Variants in PPP2R1B observed in about 807,000 individuals in gnomAD.
PPP2R1B encodes protein phosphatase 2 scaffold subunit Abeta.
In PPP2R1B, 58 loss-of-function variants were observed where a neutral mutation model predicts 72.7. The ratio of observed to expected loss-of-function variants is 0.80; its 90% confidence interval spans 0.65 to 0.99. The LOEUF (loss-of-function observed/expected upper bound fraction) is 0.99. PPP2R1B is among the 50% of genes least tolerant of loss of function. PPP2R1B has a pLI of 0.00. For missense variants in PPP2R1B, 695 were observed against 733.6 expected (o/e 0.95, Z 0.61); for synonymous variants, 256 against 264.6 (o/e 0.97, Z 0.32).
rs782009984 is a variant in PPP2R1B, at chr11:111,754,533, GTC to G, written c.993_994del (p.Glu331AspfsTer44). ...AGGCAGAATTTGATTCATAATTATG[GTC>G]TCTCTATCTTCAATGGGCAAGTTCT... On this transcript the variant is annotated frameshift_variant, in exon 8 of 15. Transcript: ENST00000527614. LOFTEE classifies it high-confidence loss of function. 6.2e-6 allele frequency: 10 copies of G among 1,603,650 alleles called. No homozygotes were observed. Among genetic ancestry groups the G allele is most frequent in the Non-Finnish European group, 8.5e-6 (10 of 1,177,592 alleles).
downstream of PPP2R1B, chr11:111,723,770 C>G (rs780442591): frequency 1.2e-6 from 2 of 1,614,028 alleles, no homozygotes; most frequent in African/African-American, 1.3e-5. Flanking sequence ...CACTTCCGGT[C>G]CCCGGGCTGC....
the PPP2R1B span, among the ~76,000 whole-genome samples, chr11:111,721,443 G>A: frequency 6.6e-6 from 1 of 152,160 alleles, no homozygotes; most frequent in South Asian, 2.1e-4. Flanking sequence ...TTTTGATGTG[G>A]TATCACTTTA....
the PPP2R1B span, among the ~76,000 whole-genome samples, chr11:111,705,943 G>T: frequency 6.6e-6 from 1 of 152,190 alleles, no homozygotes; most frequent in Non-Finnish European, 1.5e-5. The surrounding 1 kb of genome is among the most constrained non-coding windows in gnomAD (Gnocchi z 4.3). Flanking sequence ...TAGAAAAGAA[G>T]GGGCAAGTAT....
In PPP2R1B at chr11:111,760,921, C is replaced by T. The variant is rs1307857038; in HGVS notation, c.437G>A (p.Arg146His). The T allele has an allele frequency of 2.5e-6, 4 of 1,614,202 alleles. No individual in the cohort carries two copies. The highest frequency in any genetic ancestry group is 2.5e-6 in the Non-Finnish European group (3 of 1,180,036). The change falls in exon 4 of 15, where the codon CGC (arginine) becomes CAC (histidine). Residue 146 changes from arginine to histidine, a missense_variant. Arg to His is a conservative substitution (Grantham distance 29). Coordinates refer to ENST00000527614, the MANE Select transcript of PPP2R1B (RefSeq NM_002716.5). Reference sequence around the variant, plus strand: ...GGTGAACCAATCCCCACTTGCTAAGCGTTTCACCAGAGGTACAAAATAAGC... The same window carrying T: ...GGTGAACCAATCCCCACTTGCTAAGTGTTTCACCAGAGGTACAAAATAAGC... Reference protein sequence around the residue: ...LEAYFVPLVKRLASGDWFTSR... With the variant: ...LEAYFVPLVKHLASGDWFTSR...
downstream of PPP2R1B, chr11:111,722,721 A>G: frequency 6.2e-7 from 1 of 1,614,092 alleles, no homozygotes; most frequent in South Asian, 1.1e-5. This position sits in a 1 kb window ranked among gnomAD's most constrained non-coding sequence, Gnocchi z 4.4. Context: ...GCAAAGAACC[A>G]CCGCGGAGCC....
chr11:111,704,811 C>T, the PPP2R1B span, among the ~76,000 whole-genome samples: 2 of 152,190 alleles, frequency 1.3e-5, no homozygotes, highest in East Asian at 1.9e-4. Flanking sequence ...ATACTAGAGA[C>T]TTGAAGTTTT....
At chr11:111,759,766 G>A (rs781953226) in intron 5 of PPP2R1B, 38 bp downstream of exon 5, 2 of 1,560,364 alleles carry the variant, frequency 1.3e-6, no homozygotes, top group South Asian at 2.4e-5. Flanking sequence ...GAGGAAAGGA[G>A]CATATCTGTG....
In PPP2R1B at chr11:111,738,757, C is replaced by T; in HGVS notation, c.*2839G>A. On this transcript the variant is annotated 3_prime_UTR_variant, in exon 15 of 15. Coordinates refer to ENST00000527614, the MANE Select transcript of PPP2R1B (RefSeq NM_002716.5). Reference sequence around the variant, plus strand: ...TCAGGTTCACATCTTCTTGGTAGCACAGAGAGAGAAACAAGACCTGGTCTC... The same window carrying T: ...TCAGGTTCACATCTTCTTGGTAGCATAGAGAGAGAAACAAGACCTGGTCTC... The T allele has an allele frequency of 1.0e-6, 1 of 985,388 alleles. No homozygotes were observed. Among genetic ancestry groups the T allele is most frequent in the Non-Finnish European group, 1.2e-6 (1 of 829,936 alleles). The allele number at this position is 985,388 out of a possible 1,614,324, so 61.0% of individuals were successfully genotyped here. A position where few individuals can be genotyped will look rare whatever the true frequency, so the allele number is the denominator to read the frequency against.
At chr11:111,711,142 G>A in the PPP2R1B span, among the ~76,000 whole-genome samples, 67 of 149,162 alleles carry the variant, frequency 4.5e-4, no homozygotes, top group African/African-American at 1.2e-3. Context: ...TTTTTGAGAC[G>A]GAGTCTTGCT....
At chr11:111,725,101 A>G (rs1057302951), downstream of PPP2R1B, 1 of 152,664 alleles carries the variant, frequency 6.6e-6, no homozygotes, top group African/African-American at 2.4e-5. Context: ...ACAGTTTCAT[A>G]TAGGGCTTAG....
At chr11:111,733,809 G>A (rs762426770), downstream of PPP2R1B, among the ~76,000 whole-genome samples, 1 of 152,214 alleles carries the variant, frequency 6.6e-6, no homozygotes, top group Non-Finnish European at 1.5e-5. Flanking sequence ...GAGGGCTGAA[G>A]GGCAGGCAGG....
intron 10 of PPP2R1B, among the ~76,000 whole-genome samples, chr11:111,751,878 G>A (rs1358649489): frequency 6.6e-6 from 1 of 152,194 alleles, no homozygotes; most frequent in Non-Finnish European, 1.5e-5. Context: ...TTGGGAGGCT[G>A]AGACAGGAGA....
At chr11:111,729,569 C>T (rs1193258160) in intron 15 of PPP2R1B, 1 of 152,230 alleles carries the variant, frequency 6.6e-6, no homozygotes, top group Non-Finnish European at 1.5e-5. Flanking sequence ...TGACTGGCTT[C>T]TGGTTTTGGT....
At chr11:111,762,960 G>T (rs1945381413) in intron 3 of PPP2R1B, among the ~76,000 whole-genome samples, 1 of 152,174 alleles carries the variant, frequency 6.6e-6, no homozygotes. Flanking sequence ...AGGCAGACAA[G>T]GTTCCTCACT....
At chr11:111,742,777 A>T in intron 12 of PPP2R1B, 112 bp from the exon 13 acceptor site, 1 of 1,038,870 alleles carries the variant, frequency 9.6e-7, no homozygotes, top group Middle Eastern at 3.2e-4. Flanking sequence ...AAATATTTCT[A>T]GTTTGAGCAG....
At chr11:111,757,679 C>T (rs532162242) in intron 5 of PPP2R1B, among the ~76,000 whole-genome samples, 4 of 151,738 alleles carry the variant, frequency 2.6e-5, no homozygotes, top group African/African-American at 9.7e-5. Flanking sequence ...ACTGAAAATA[C>T]AAAAAATTAG....
intron 13 of PPP2R1B, 164 bp from the exon 14 acceptor site, chr11:111,742,308 A>ATG: frequency 8.2e-6 from 5 of 612,504 alleles, no homozygotes; most frequent in Admixed American, 4.2e-5. Flanking sequence ...TTCTCAGCAA[A>ATG]ATCAGCTTCA....
intron 3 of PPP2R1B, among the ~76,000 whole-genome samples, chr11:111,763,847 A>ACTCTCT (rs60119313): frequency 6.2e-5 from 9 of 146,228 alleles, no homozygotes; most frequent in East Asian, 2.0e-4. Context: ...CAGAAAAAAA[A>ACTCTCT]CTCTCTCTCT....
At chr11:111,743,294 A>G in intron 12 of PPP2R1B, 82 bp downstream of exon 12, 1 of 1,321,330 alleles carries the variant, frequency 7.6e-7, no homozygotes, top group African/African-American at 1.5e-5. Flanking sequence ...AATAGAAGAC[A>G]GTATACTGAT....
Sources: gnomAD v4.1 joint callset for allele counts (sites outside exome capture counted in the v4.1 genomes callset) on GRCh38, gnomAD v4.1.1 for gene constraint, Gnocchi (gnomAD v3.1) non-coding constraint, MANE v1.5 for transcripts, NCBI Gene and HGNC (gene_info 2026-07-23, HGNC 2026-07-21) for gene names.